The following FUT8 variants were observed in gnomAD, a reference collection of about 807,000 sequenced individuals.
FUT8 encodes alpha-(1,6)-fucosyltransferase.
A neutral mutation model predicts 71.3 loss-of-function variants in FUT8; 29 were observed. The ratio of observed to expected loss-of-function variants is 0.41; its 90% CI spans 0.30 to 0.55. FUT8 has a LOEUF of 0.55. FUT8 is among the 20% of genes least tolerant of loss of function. The pLI, the probability that FUT8 is intolerant of heterozygous loss-of-function variation, is 0.34. For synonymous variants in FUT8, 254 were observed against 239.3 expected, an observed-to-expected ratio of 1.06 and a Z score of -0.57; for missense variants, 544 against 702.1, an observed-to-expected ratio of 0.77 and a Z score of 2.55.
rs934182131 is a variant in FUT8 at position 65,742,251 on chromosome 14, G to C, written c.1569G>C (p.Met523Ile). ...HQPRTADEIP[M>I]EPGDIIGVAG... ...CCCGAACTGCAGATGAAATTCCCATGGAACCTGGAGATATCATTGGTGTGG... is the reference window on the plus strand; with the variant it reads ...CCCGAACTGCAGATGAAATTCCCATCGAACCTGGAGATATCATTGGTGTGG... The change falls in exon 11 of 11, where the codon ATG (methionine) becomes ATC (isoleucine). Residue 523 changes from methionine to isoleucine, a missense_variant. Coordinates refer to ENST00000673929, the MANE Select transcript of FUT8 (RefSeq NM_001371533.1). 1 of 1,612,916 alleles carries C rather than the reference G, an allele frequency of 6.2e-7. No homozygotes were observed. The highest frequency in any genetic ancestry group is 1.3e-5 in the African/African-American group (1 of 74,812).
chr14:65,713,285 AT>A (rs1162350553), intron 7 of FUT8, among the ~76,000 whole-genome samples: 9 of 152,164 alleles, frequency 5.9e-5, no homozygotes, highest in Admixed American at 2.6e-4. Flanking sequence ...TATTTACCAT[AT>A]TTTCTTTGTT....
chr14:65,398,381 A>C, the FUT8 span, among the ~76,000 whole-genome samples: 5 of 152,266 alleles, frequency 3.3e-5, no homozygotes, highest in East Asian at 9.6e-4. Context: ...TATTAAAAAA[A>C]TTACTTATTT....
intron 2 of FUT8, among the ~76,000 whole-genome samples, chr14:65,560,355 A>T (rs1404692576): frequency 6.6e-6 from 1 of 152,060 alleles, no homozygotes; most frequent in Non-Finnish European, 1.5e-5. Context: ...AAGAAAAAAA[A>T]ATTTTTATAG....
chr14:65,403,237 C>T, the FUT8 span, among the ~76,000 whole-genome samples: 1 of 152,078 alleles, frequency 6.6e-6, no homozygotes, highest in South Asian at 2.1e-4. Context: ...AACAACAACC[C>T]TATGATGTAG....
intron 2 of FUT8, among the ~76,000 whole-genome samples, chr14:65,514,286 G>T (rs1882556745): frequency 6.6e-6 from 1 of 151,930 alleles, no homozygotes; most frequent in Admixed American, 6.6e-5. Context: ...AAGAAAGAAT[G>T]TTTGTAAGAA....
intron 2 of FUT8, among the ~76,000 whole-genome samples, chr14:65,476,869 T>C (rs1465921129): frequency 2.0e-5 from 3 of 152,144 alleles, no homozygotes; most frequent in African/African-American, 7.2e-5. Flanking sequence ...GGGACTAAGC[T>C]CTTCTAAATA....
intron 2 of FUT8, among the ~76,000 whole-genome samples, chr14:65,540,675 G>C (rs1884625223): frequency 6.6e-6 from 1 of 152,200 alleles, no homozygotes; most frequent in Non-Finnish European, 1.5e-5. Flanking sequence ...GTTCAGAATT[G>C]TATCCCTATA....
chr14:65,525,842 G>A (rs1464087668), intron 2 of FUT8, among the ~76,000 whole-genome samples: 1 of 152,168 alleles, frequency 6.6e-6, no homozygotes, highest in East Asian at 1.9e-4. Flanking sequence ...TCAGGAGCAG[G>A]TTGTTCAGTT....
intron 6 of FUT8, among the ~76,000 whole-genome samples, chr14:65,661,931 T>C (rs1018022493): frequency 6.6e-6 from 1 of 152,238 alleles, no homozygotes; most frequent in Non-Finnish European, 1.5e-5. Flanking sequence ...ACTGAATTAG[T>C]AATCATTTAT....
At chr14:65,681,306 A>T (rs1207096412) in intron 7 of FUT8, among the ~76,000 whole-genome samples, 2 of 152,198 alleles carry the variant, frequency 1.3e-5, no homozygotes, top group Non-Finnish European at 2.9e-5. Context: ...AGAAAATACC[A>T]CCTTACCTAT....
chr14:65,611,211 GCGCGCGCGCGCGCACACACACACA>G lies in FUT8; in HGVS notation c.204-4765_204-4742del, dbSNP rs1888910256. On this transcript the variant is annotated intron_variant, in intron 3 of 10. Transcript: ENST00000673929. ...CACACACACACACGCGCGCGCGCGC[GCGCGCGCGCGCGCACACACACACA>G]CACACACACACACACACACACACAC... Among the ~76,000 whole-genome samples, 9 of 11,700 alleles carry G rather than the reference GCGCGCGCGCGCGCACACACACACA, an allele frequency of 7.7e-4. 2 individuals are homozygous for G. Among genetic ancestry groups the G allele is most frequent in the South Asian group, 0.011 (2 of 180 alleles). The allele number at this position is 11,700 out of a possible 152,430, so 7.7% of individuals were successfully genotyped here. A position where few individuals can be genotyped will look rare whatever the true frequency, so the allele number is the denominator to read the frequency against.
chr14:65,732,471 A>G (rs1412586618), intron 9 of FUT8, among the ~76,000 whole-genome samples: 1 of 152,222 alleles, frequency 6.6e-6, no homozygotes, highest in Non-Finnish European at 1.5e-5. Context: ...CAGGGTTTCT[A>G]TATAAGAACT....
At chr14:65,468,225 T>C (rs1335236708) in intron 2 of FUT8, 3 of 626,036 alleles carry the variant, frequency 4.8e-6, no homozygotes, top group African/African-American at 3.6e-5. Context: ...CCTTGATGTC[T>C]ACAATATCAC....
the FUT8 span, among the ~76,000 whole-genome samples, chr14:65,371,927 C>G: frequency 6.6e-6 from 1 of 152,130 alleles, no homozygotes; most frequent in African/African-American, 2.4e-5. Context: ...TATATACAAA[C>G]ACATACATTT....
the FUT8 span, among the ~76,000 whole-genome samples, chr14:65,369,519 G>T: frequency 6.6e-6 from 1 of 152,006 alleles, no homozygotes; most frequent in East Asian, 1.9e-4. This position sits in a 1 kb window ranked among gnomAD's most constrained non-coding sequence, Gnocchi z 4.6. Flanking sequence ...CAAGATACAG[G>T]TCACAAAGAC....
chr14:65,444,439 C>A lies in FUT8; in HGVS notation c.-325-11182C>A, dbSNP rs768517103. Among the ~76,000 whole-genome samples, 147 of 152,206 alleles carry A rather than the reference C, an allele frequency of 9.7e-4. 1 individual carries two copies. Among genetic ancestry groups the A allele is most frequent in the Non-Finnish European group, 3.4e-4 (23 of 68,024 alleles). ...ACCATATGAGCTGGCAGTCCCACTT[C>A]TAAGTATTTACCCAAGGAAATGAAA... is the stretch of plus-strand genomic sequence containing the variant. On this transcript the variant is annotated intron_variant, in intron 1 of 10. Transcript: ENST00000673929.
the FUT8 span, among the ~76,000 whole-genome samples, chr14:65,379,152 A>G: frequency 6.6e-6 from 1 of 152,038 alleles, no homozygotes; most frequent in Non-Finnish European, 1.5e-5. Context: ...CGGCCAACAC[A>G]AGAAGCTTTT....
intron 1 of FUT8, among the ~76,000 whole-genome samples, chr14:65,417,142 A>G (rs1448058219): frequency 6.6e-6 from 1 of 152,022 alleles, no homozygotes; most frequent in African/African-American, 2.4e-5. Context: ...TTTAAAAGAG[A>G]CAGGGTCTTG....
At chr14:65,615,899 A>G (rs1889256522) in intron 3 of FUT8, 79 bp from the exon 4 acceptor site, 15 of 961,912 alleles carry the variant, frequency 1.6e-5, no homozygotes, top group Non-Finnish European at 2.4e-5. Flanking sequence ...TTTACAGTAT[A>G]AATGTTTTAG....
Sources: allele counts gnomAD v4.1 joint callset (sites outside exome capture counted in the v4.1 genomes callset), GRCh38; gene constraint gnomAD v4.1.1; non-coding constraint Gnocchi (gnomAD v3.1); transcripts MANE v1.5; gene names NCBI Gene and HGNC (gene_info 2026-07-23, HGNC 2026-07-21).